The following DAB1 variants were observed in gnomAD, a reference collection of about 807,000 sequenced individuals.
DAB1 encodes DAB adaptor protein 1, also known as disabled homolog 1.
Under a neutral mutation model 64.6 loss-of-function variants are expected in DAB1, and 15 were observed. The ratio of observed to expected loss-of-function variants is 0.23; its 90% CI spans 0.16 to 0.36. The LOEUF (loss-of-function observed/expected upper bound fraction) is 0.36, where lower values mean the gene tolerates loss of function less well. DAB1 is among the 10% of genes least tolerant of loss of function. The pLI is 1.00. For missense variants in DAB1, 596 were observed against 706.7 expected (o/e 0.84, Z 1.78); for synonymous variants, 235 against 251.9 (o/e 0.93, Z 0.64).
intron 1 of DAB1, among the ~76,000 whole-genome samples, chr1:57,866,703 G>A (rs751921229): frequency 5.3e-5 from 8 of 152,158 alleles, no homozygotes; most frequent in Non-Finnish European, 1.2e-4. Flanking sequence ...TCTGCACAGA[G>A]GAAGCACTCC....
chr1:57,667,207 A>C (rs890179223), intron 6 of DAB1, among the ~76,000 whole-genome samples: 1 of 152,142 alleles, frequency 6.6e-6, no homozygotes, highest in Non-Finnish European at 1.5e-5. Flanking sequence ...AATGATCTTC[A>C]TTATTGGAGG....
intron 5 of DAB1, among the ~76,000 whole-genome samples, chr1:58,125,751 T>C (rs1339813404): frequency 6.6e-6 from 1 of 152,196 alleles, no homozygotes; most frequent in Non-Finnish European, 1.5e-5. Flanking sequence ...CAGTCTCACC[T>C]TAACACTTTT....
chr1:57,197,174 A>G (rs906252009), intron 2 of DAB1, among the ~76,000 whole-genome samples: 1 of 151,980 alleles, frequency 6.6e-6, no homozygotes, highest in African/African-American at 2.4e-5. Context: ...CATCTCTACT[A>G]AAAAAACAAA....
intron 4 of DAB1, among the ~76,000 whole-genome samples, chr1:58,185,633 G>A (rs1033145887): frequency 1.3e-5 from 2 of 152,138 alleles, no homozygotes; most frequent in Non-Finnish European, 2.9e-5. Context: ...TTCTGGCAAA[G>A]TGGCTTCATG....
intron 9 of DAB1, among the ~76,000 whole-genome samples, chr1:57,053,534 G>T (rs1008707110): frequency 6.6e-6 from 1 of 151,362 alleles, no homozygotes; most frequent in Non-Finnish European, 1.5e-5. Context: ...GATTATATGT[G>T]TGAGCCACCA....
intron 6 of DAB1, among the ~76,000 whole-genome samples, chr1:57,750,827 C>T (rs115170383): frequency 1.7e-3 from 259 of 152,182 alleles, no homozygotes; most frequent in African/African-American, 5.9e-3. Flanking sequence ...GTATCTGTAC[C>T]GCCTGACATG....
chr1:57,950,895 T>G (rs951881030), intron 5 of DAB1, among the ~76,000 whole-genome samples: 7 of 152,204 alleles, frequency 4.6e-5, no homozygotes, highest in African/African-American at 1.7e-4. Flanking sequence ...GACAAGTCCT[T>G]TGTTTTCTTC....
intron 2 of DAB1, among the ~76,000 whole-genome samples, chr1:57,233,948 G>A (rs1399971700): frequency 6.6e-6 from 1 of 152,014 alleles, no homozygotes; most frequent in East Asian, 1.9e-4. Context: ...CTGCCAAAAC[G>A]GGTCAATTTA....
At chr1:58,152,261 C>T (rs1654988178) in intron 4 of DAB1, among the ~76,000 whole-genome samples, 1 of 152,110 alleles carries the variant, frequency 6.6e-6, no homozygotes, top group Non-Finnish European at 1.5e-5. Context: ...TCCCTGGATG[C>T]TTGTCCATGT....
At chr1:57,399,196 T>G (rs190485702) in intron 1 of DAB1, among the ~76,000 whole-genome samples, 18 of 152,318 alleles carry the variant, frequency 1.2e-4, no homozygotes, top group Non-Finnish European at 2.4e-4. Flanking sequence ...AACTGGTTTT[T>G]AGTGTGAGGG....
intron 7 of DAB1, among the ~76,000 whole-genome samples, chr1:57,586,058 G>A (rs913788200): frequency 6.6e-6 from 1 of 152,072 alleles, no homozygotes; most frequent in Non-Finnish European, 1.5e-5. Context: ...CATCAGGAGG[G>A]TTGATCCAAG....
chr1:58,072,873 G>A (rs1020577495), intron 5 of DAB1, among the ~76,000 whole-genome samples: 3 of 152,196 alleles, frequency 2.0e-5, no homozygotes, highest in African/African-American at 7.2e-5. Flanking sequence ...TCACTTTCCA[G>A]ATTCGGTGCT....
chr1:58,142,451 T>C (rs950472567), intron 5 of DAB1, among the ~76,000 whole-genome samples: 19 of 152,220 alleles, frequency 1.2e-4, no homozygotes, highest in Non-Finnish European at 7.3e-5. Context: ...TTTTTGTTTC[T>C]GCAGGAAATG....
chr1:57,113,271 C>G (rs1655824210), intron 4 of DAB1, among the ~76,000 whole-genome samples: 1 of 152,120 alleles, frequency 6.6e-6, no homozygotes, highest in Admixed American at 6.5e-5. Flanking sequence ...CCCCACTAAT[C>G]CTTTTAGAAA....
chr1:57,934,557 A>G (rs546029598), intron 5 of DAB1, among the ~76,000 whole-genome samples: 1 of 152,302 alleles, frequency 6.6e-6, no homozygotes, highest in East Asian at 1.9e-4. Context: ...AGTGATCACT[A>G]TGTGCTAAAT....
At chr1:57,751,657 A>G (rs1648557746) in intron 6 of DAB1, among the ~76,000 whole-genome samples, 1 of 152,068 alleles carries the variant, frequency 6.6e-6, no homozygotes, top group African/African-American at 2.4e-5. Flanking sequence ...TGGAGAAGAA[A>G]AACATGGGAG....
At chr1:58,015,979 G>A (rs1646732603) in intron 5 of DAB1, among the ~76,000 whole-genome samples, 1 of 151,786 alleles carries the variant, frequency 6.6e-6, no homozygotes. Flanking sequence ...CTGTCATTTT[G>A]CAGTGATGAA....
intron 1 of DAB1, among the ~76,000 whole-genome samples, chr1:57,843,089 A>G (rs1007337186): frequency 6.6e-6 from 1 of 152,204 alleles, no homozygotes; most frequent in Admixed American, 6.5e-5. Flanking sequence ...ATGAAAAAAG[A>G]TAAACATTTA....
intron 7 of DAB1, among the ~76,000 whole-genome samples, chr1:57,569,479 T>C (rs1645166723): frequency 6.6e-6 from 1 of 151,580 alleles, no homozygotes; most frequent in Non-Finnish European, 1.5e-5. Context: ...CAGCAAACAA[T>C]AGCAAATAAT....
Sources: gnomAD v4.1 joint callset for allele counts (sites outside exome capture counted in the v4.1 genomes callset) on GRCh38, gnomAD v4.1.1 for gene constraint, MANE v1.5 for transcripts, NCBI Gene and HGNC (gene_info 2026-07-23, HGNC 2026-07-21) for gene names.